The following RNF111 variants were observed in gnomAD, a reference collection of about 807,000 sequenced individuals.
RNF111 encodes the protein ring finger protein 111.
A neutral mutation model predicts 95.1 loss-of-function variants in RNF111; 17 were observed. The ratio of observed to expected loss-of-function variants is 0.18; its 90% CI spans 0.12 to 0.27. The LOEUF is 0.27. RNF111 is among the 10% of genes least tolerant of loss of function. The pLI is 1.00. For synonymous variants in RNF111, 440 were observed against 414.8 expected (o/e 1.06, Z -0.74); for missense variants, 1,189 against 1,210.4 (o/e 0.98, Z 0.26).
intron 2 of RNF111, among the ~76,000 whole-genome samples, chr15:59,038,220 C>T (rs1281912325): frequency 8.5e-5 from 13 of 152,120 alleles, no homozygotes; most frequent in Admixed American, 5.2e-4. Context: ...AGGTATGGCA[C>T]GCACTGACTC....
chr15:59,083,433 G>A (rs929926089), intron 8 of RNF111, among the ~76,000 whole-genome samples: 9 of 151,910 alleles, frequency 5.9e-5, no homozygotes, highest in African/African-American at 2.2e-4. Context: ...AGCCACTTGA[G>A]AGGCTGAGGC....
At chr15:59,068,643 C>G (rs2042773887) in intron 6 of RNF111, among the ~76,000 whole-genome samples, 1 of 151,928 alleles carries the variant, frequency 6.6e-6, no homozygotes, top group African/African-American at 2.4e-5. Context: ...GAGTGTCACT[C>G]TTGTTGCCTA....
rs549822575 is a variant in RNF111 at position 59,086,122 on chromosome 15, C to A, written c.2550+337C>A. The stretch of plus-strand genomic sequence containing the variant: ...TTCTGATGCAGTCATACTTGATTTT[C>A]TTTTTTCTTTTTTTTTCGACAGAGT... On this transcript the variant is annotated intron_variant, in intron 10 of 13. Coordinates refer to ENST00000348370, the MANE Select transcript of RNF111 (RefSeq NM_017610.8). Among the ~76,000 whole-genome samples, 3 of 152,010 alleles carry A rather than the reference C, an allele frequency of 2.0e-5. No homozygotes were observed. In the South Asian group the frequency reaches 6.2e-4, roughly 32 times the overall value.
intron 1 of RNF111, among the ~76,000 whole-genome samples, chr15:59,028,019 G>A (rs1304026294): frequency 6.6e-6 from 1 of 150,990 alleles, no homozygotes; most frequent in African/African-American, 2.4e-5. Context: ...TAGAGATGGG[G>A]TTTCACCATG....
At chr15:58,997,431 A>C (rs2039125746) in intron 1 of RNF111, among the ~76,000 whole-genome samples, 1 of 152,058 alleles carries the variant, frequency 6.6e-6, no homozygotes, top group Non-Finnish European at 1.5e-5. Context: ...TGGTGCATTA[A>C]ACTAATGGCC....
At position 59,062,609 on chromosome 15, in the gene RNF111, A is replaced by G. The variant is rs577779568; in HGVS notation, c.1366+4059A>G. Among the ~76,000 whole-genome samples the G allele has an allele frequency of 2.4e-4, 36 of 152,332 alleles. No homozygotes were observed. In the South Asian group the frequency reaches 5.0e-3, roughly 21 times the overall value. On this transcript the variant is annotated intron_variant, in intron 5 of 13. Coordinates refer to ENST00000348370, the MANE Select transcript of RNF111 (RefSeq NM_017610.8). ...AGAGCTTACCCTCTAGTGGATAGCAATAGCTAACATTTATTGAGCCTATAG... is the reference window on the plus strand; with the variant it reads ...AGAGCTTACCCTCTAGTGGATAGCAGTAGCTAACATTTATTGAGCCTATAG...
At chr15:59,015,415 T>C (rs1416882222) in intron 1 of RNF111, among the ~76,000 whole-genome samples, 1 of 152,196 alleles carries the variant, frequency 6.6e-6, no homozygotes, top group East Asian at 1.9e-4. Flanking sequence ...GGAGATAATA[T>C]TGTTAGTCAC....
At chr15:59,014,587 A>G (rs1350263161) in intron 1 of RNF111, among the ~76,000 whole-genome samples, 1 of 152,178 alleles carries the variant, frequency 6.6e-6, no homozygotes, top group African/African-American at 2.4e-5. Flanking sequence ...GAAGAAATGT[A>G]TACTTGTTTT....
At chr15:59,083,513 T>A (rs1277243278) in intron 8 of RNF111, among the ~76,000 whole-genome samples, 1 of 150,660 alleles carries the variant, frequency 6.6e-6, no homozygotes, top group Non-Finnish European at 1.5e-5. Flanking sequence ...TCCAGCCTGG[T>A]GACAGAGCTA....
chr15:59,023,729 T>C (rs990455965), intron 1 of RNF111, among the ~76,000 whole-genome samples: 1 of 152,158 alleles, frequency 6.6e-6, no homozygotes, highest in Non-Finnish European at 1.5e-5. Context: ...AGTGAATTCC[T>C]TTTTTTCTTC....
chr15:59,070,389 G>A (rs1343410441), intron 6 of RNF111, among the ~76,000 whole-genome samples: 1 of 152,020 alleles, frequency 6.6e-6, no homozygotes, highest in Admixed American at 6.6e-5. Flanking sequence ...CTCTGGGAAT[G>A]TTCTTAATCA....
chr15:59,001,085 T>C (rs1467739600), intron 1 of RNF111, among the ~76,000 whole-genome samples: 1 of 152,134 alleles, frequency 6.6e-6, no homozygotes, highest in African/African-American at 2.4e-5. Context: ...TAAGGAAACA[T>C]TTGAACACAG....
intron 1 of RNF111, among the ~76,000 whole-genome samples, chr15:59,030,587 C>T (rs2040854994): frequency 6.6e-6 from 1 of 152,088 alleles, no homozygotes. Context: ...TCTATATCTA[C>T]TGTATTTCTA....
At chr15:58,996,459 T>C (rs1189830392) in intron 1 of RNF111, among the ~76,000 whole-genome samples, 1 of 151,498 alleles carries the variant, frequency 6.6e-6, no homozygotes, top group Non-Finnish European at 1.5e-5. Flanking sequence ...TGCATGCCTG[T>C]AATCCCAGCT....
intron 1 of RNF111, among the ~76,000 whole-genome samples, chr15:58,998,147 C>T (rs2039165257): frequency 6.6e-6 from 1 of 152,030 alleles, no homozygotes. Context: ...TCGTGATCCG[C>T]CAGCCTCGGC....
rs372562643 is a variant in RNF111 at position 59,073,139 on chromosome 15, C to T, written c.1687-2815C>T. On this transcript the variant is annotated intron_variant, in intron 6 of 13. Coordinates refer to ENST00000348370, the MANE Select transcript of RNF111 (RefSeq NM_017610.8). ...AGTGAGCCACGTTTGTATTACTGCACTCCACTGTAGGCAACACAGTGAGAC... is the reference window on the plus strand; with the variant it reads ...AGTGAGCCACGTTTGTATTACTGCATTCCACTGTAGGCAACACAGTGAGAC... Among the ~76,000 whole-genome samples the T allele has an allele frequency of 6.5e-4, 99 of 152,222 alleles. 1 individual carries two copies. In the East Asian group the frequency reaches 0.015, roughly 23 times the overall value.
At chr15:58,996,576 A>T (rs942085706) in intron 1 of RNF111, among the ~76,000 whole-genome samples, 1 of 151,458 alleles carries the variant, frequency 6.6e-6, no homozygotes, top group Non-Finnish European at 1.5e-5. Context: ...GCAAGACTCC[A>T]TCTCAAGAAA....
intron 2 of RNF111, among the ~76,000 whole-genome samples, chr15:59,042,541 C>A (rs1169889906): frequency 6.6e-6 from 1 of 152,120 alleles, no homozygotes; most frequent in Non-Finnish European, 1.5e-5. Flanking sequence ...TAGCCCATTT[C>A]CCCCCAGTCC....
Position 59,071,820 on chromosome 15 carries a change from C to T in RNF111, c.1687-4134C>T, listed in dbSNP as rs2042942310. On this transcript the variant is annotated intron_variant, in intron 6 of 13. Transcript: ENST00000348370. ...AAATCGTATTCCTAATACAAGCATA[C>T]CTTGGAGATACTGCAGGTTTGGTTC... Among the ~76,000 whole-genome samples the T allele has an allele frequency of 2.0e-5, 3 of 152,090 alleles. 1 individual carries two copies. The highest frequency in any genetic ancestry group is 6.6e-5 in the Admixed American group (1 of 15,266).
Sources: allele counts gnomAD v4.1 joint callset (sites outside exome capture counted in the v4.1 genomes callset), GRCh38; gene constraint gnomAD v4.1.1; transcripts MANE v1.5; gene names NCBI Gene and HGNC (gene_info 2026-07-23, HGNC 2026-07-21).